The following NKAIN3 variants were observed in gnomAD, a reference collection of about 807,000 sequenced individuals.
The protein encoded by NKAIN3 is sodium/potassium-transporting ATPase subunit beta-1-interacting protein 3.
Under a neutral mutation model 30.2 loss-of-function variants are expected in NKAIN3, and 25 were observed. That is an observed-to-expected ratio of 0.83 (90% CI 0.60 to 1.16). NKAIN3 has a LOEUF of 1.16. Ranked by LOEUF, NKAIN3 falls within the 50% of genes most tolerant of loss-of-function variation. The probability of loss-of-function intolerance (pLI) is 0.00; values close to 1 mark genes in which losing one functional copy is unlikely to be tolerated. For synonymous variants in NKAIN3, 91 were observed against 89.6 expected, an observed-to-expected ratio of 1.02 and a Z score of -0.09; for missense variants, 225 against 254.1, an observed-to-expected ratio of 0.89 and a Z score of 0.78.
At chr8:62,249,493 A>C (rs1812019773) in intron 1 of NKAIN3, among the ~76,000 whole-genome samples, 1 of 152,204 alleles carries the variant, frequency 6.6e-6, no homozygotes, top group Non-Finnish European at 1.5e-5. Context: ...CTGAAGTTAC[A>C]CGGGGACTTG....
intron 5 of NKAIN3, among the ~76,000 whole-genome samples, chr8:62,994,188 T>G (rs1458016243): frequency 6.6e-6 from 1 of 152,200 alleles, no homozygotes; most frequent in Non-Finnish European, 1.5e-5. Context: ...ATTTTGGTAG[T>G]AAGAAAAGAT....
chr8:62,727,580 A>C (rs1055157280), intron 3 of NKAIN3, among the ~76,000 whole-genome samples: 5 of 152,312 alleles, frequency 3.3e-5, no homozygotes, highest in Admixed American at 1.3e-4. Flanking sequence ...GAAGTTAAAA[A>C]CACAATACCA....
intron 4 of NKAIN3, among the ~76,000 whole-genome samples, chr8:62,851,840 C>T (rs1819909373): frequency 6.6e-6 from 1 of 152,156 alleles, no homozygotes; most frequent in Admixed American, 6.5e-5. Context: ...TTTTGATGTG[C>T]TGCTGGATTC....
intron 4 of NKAIN3, among the ~76,000 whole-genome samples, chr8:62,816,243 G>A (rs1469792526): frequency 6.6e-6 from 1 of 152,158 alleles, no homozygotes; most frequent in African/African-American, 2.4e-5. Flanking sequence ...TTTGGCATTG[G>A]TTCTGGGTAG....
intron 1 of NKAIN3, among the ~76,000 whole-genome samples, chr8:62,281,634 C>T (rs914459392): frequency 6.6e-6 from 1 of 151,946 alleles, no homozygotes; most frequent in African/African-American, 2.4e-5. Flanking sequence ...CGTCATGTAC[C>T]CAGTAGTCAT....
At chr8:62,269,349 G>A (rs1473593313) in intron 1 of NKAIN3, among the ~76,000 whole-genome samples, 1 of 152,098 alleles carries the variant, frequency 6.6e-6, no homozygotes, top group African/African-American at 2.4e-5. Flanking sequence ...TTGATAAGCT[G>A]AAAATTGCCC....
intron 3 of NKAIN3, among the ~76,000 whole-genome samples, chr8:62,707,050 C>CAT (rs1198328085): frequency 2.0e-5 from 2 of 97,850 alleles, no homozygotes; most frequent in African/African-American, 9.5e-5. Context: ...TTCCATCATA[C>CAT]ATACATACAC....
intron 1 of NKAIN3, among the ~76,000 whole-genome samples, chr8:62,336,751 G>T (rs543754219): frequency 6.6e-6 from 1 of 152,002 alleles, no homozygotes; most frequent in Non-Finnish European, 1.5e-5. Flanking sequence ...AACAGCCTGA[G>T]CTTGACTGAG....
intron 1 of NKAIN3, among the ~76,000 whole-genome samples, chr8:62,379,374 A>C (rs750735238): frequency 2.6e-5 from 4 of 152,130 alleles, no homozygotes; most frequent in Non-Finnish European, 5.9e-5. Flanking sequence ...TGTTGAAAGG[A>C]CATGATTTTG....
Position 62,386,565 on chromosome 8 carries a change from C to T in NKAIN3, c.54+137438C>T, listed in dbSNP as rs1417858793. Among the ~76,000 whole-genome samples the T allele has an allele frequency of 2.6e-5, 4 of 151,996 alleles. No individual in the cohort carries two copies. The East Asian group carries it at 7.7e-4, about 29-fold the overall frequency. ...TTTTTAAAATAAATTACAAAATAAGCAATAAAAATAATGAATACATGAAGG... is the reference window on the plus strand; with the variant it reads ...TTTTTAAAATAAATTACAAAATAAGTAATAAAAATAATGAATACATGAAGG... On this transcript the variant is annotated intron_variant, in intron 1 of 6. Coordinates refer to ENST00000623646, the MANE Select transcript of NKAIN3 (RefSeq NM_001304533.3).
intron 1 of NKAIN3, among the ~76,000 whole-genome samples, chr8:62,249,776 T>A (rs1812032831): frequency 1.3e-5 from 2 of 152,170 alleles, no homozygotes; most frequent in Non-Finnish European, 2.9e-5. Context: ...ACAGCTGTCA[T>A]CAAGGAGAGA....
At chr8:62,737,577 G>A (rs1393380555) in intron 3 of NKAIN3, among the ~76,000 whole-genome samples, 1 of 152,042 alleles carries the variant, frequency 6.6e-6, no homozygotes, top group Non-Finnish European at 1.5e-5. Context: ...TTTATCTCCT[G>A]TGGCAATTCT....
intron 3 of NKAIN3, among the ~76,000 whole-genome samples, chr8:62,694,557 G>A (rs1369622626): frequency 2.6e-5 from 4 of 152,078 alleles, no homozygotes; most frequent in Non-Finnish European, 2.9e-5. Context: ...GAGAGAGGAC[G>A]TCTCCCTCAA....
intron 3 of NKAIN3, among the ~76,000 whole-genome samples, chr8:62,631,496 G>C (rs1291538188): frequency 6.6e-6 from 1 of 152,098 alleles, no homozygotes; most frequent in Non-Finnish European, 1.5e-5. Flanking sequence ...TGCCATTTCT[G>C]TATTTGTCAC....
intron 5 of NKAIN3, among the ~76,000 whole-genome samples, chr8:62,938,471 T>C (rs951489627): frequency 1.3e-5 from 2 of 152,042 alleles, no homozygotes; most frequent in Non-Finnish European, 2.9e-5. Context: ...AACAAAACCA[T>C]AACCAAAGTC....
intron 1 of NKAIN3, among the ~76,000 whole-genome samples, chr8:62,317,976 T>C (rs1239400141): frequency 6.6e-6 from 1 of 152,208 alleles, no homozygotes; most frequent in Non-Finnish European, 1.5e-5. Flanking sequence ...GTAGTTCTCC[T>C]TGAAGAGGTC....
At chr8:62,863,426 T>G in intron 4 of NKAIN3, 2 of 1,553,308 alleles carry the variant, frequency 1.3e-6, no homozygotes, top group Non-Finnish European at 1.7e-6. Flanking sequence ...GTATGAGTAA[T>G]CTTGGTCTTA....
At chr8:62,721,871 G>T (rs1247234343) in intron 3 of NKAIN3, among the ~76,000 whole-genome samples, 1 of 152,184 alleles carries the variant, frequency 6.6e-6, no homozygotes, top group African/African-American at 2.4e-5. Flanking sequence ...CTTGAAACAT[G>T]TAGCCATAAT....
At chr8:62,923,962 G>A (rs1002666126) in intron 5 of NKAIN3, among the ~76,000 whole-genome samples, 2 of 152,216 alleles carry the variant, frequency 1.3e-5, no homozygotes, top group Non-Finnish European at 2.9e-5. Flanking sequence ...ACAGGGGAAA[G>A]ATAGAGAAGC....
Sources: gnomAD v4.1 joint callset for allele counts (sites outside exome capture counted in the v4.1 genomes callset) on GRCh38, gnomAD v4.1.1 for gene constraint, MANE v1.5 for transcripts, NCBI Gene and HGNC (gene_info 2026-07-23, HGNC 2026-07-21) for gene names.